PTPRQ: variants seen among roughly 807,000 people sequenced by gnomAD.
PTPRQ encodes the protein protein tyrosine phosphatase receptor type Q.
PTPRQ carries 199 observed loss-of-function variants against 246.0 expected under a neutral mutation model. That is an observed-to-expected ratio of 0.81 (90% CI 0.72 to 0.91). PTPRQ has a LOEUF of 0.91. PTPRQ is among the 40% of genes least tolerant of loss of function. The pLI is 0.00. For synonymous variants in PTPRQ, 869 were observed against 853.2 expected, an observed-to-expected ratio of 1.02 and a Z score of -0.32; for missense variants, 2,624 against 2,528.4, an observed-to-expected ratio of 1.04 and a Z score of -0.81.
rs145811445 is a variant in PTPRQ at position 80,594,207 on chromosome 12, A to G, written c.4609+5755A>G. Among the ~76,000 whole-genome samples, 265 of 152,302 alleles carry G rather than the reference A, an allele frequency of 1.7e-3. 3 individuals are homozygous for G. Among genetic ancestry groups the G allele is most frequent in the African/African-American group, 6.2e-3 (259 of 41,558 alleles). ...CTTAGTTTTTTCTAAACTGTGTAATACACTTATGTGATAAGTGTTATAGTA... is the reference window on the plus strand; with the variant it reads ...CTTAGTTTTTTCTAAACTGTGTAATGCACTTATGTGATAAGTGTTATAGTA... On this transcript the variant is annotated intron_variant, in intron 26 of 44. Transcript: ENST00000644991.
chr12:80,542,849 C>A lies in PTPRQ; in HGVS notation c.3841C>A (p.His1281Asn), dbSNP rs1471907119. The A allele has an allele frequency of 6.5e-7, 1 of 1,536,166 alleles. No individual in the cohort carries two copies. Among genetic ancestry groups the A allele is most frequent in the Middle Eastern group, 1.7e-4 (1 of 5,944 alleles). ...TGTTAAAGTATATAGTTTTAAAATT[C>A]ATGAACATGAAACTGACACTATATA... is the stretch of plus-strand genomic sequence containing the variant. Reference protein sequence around the residue: ...GIVKVYSFKIHEHETDTIYYK... With the variant: ...GIVKVYSFKINEHETDTIYYK... Residue 1281 changes from histidine (H) to asparagine (N), a missense_variant, in exon 23 of 45, where the codon CAT (histidine) becomes AAT (asparagine). His to Asn is a moderately conservative substitution (Grantham distance 68, BLOSUM62 1). Transcript: ENST00000644991.
At chr12:80,497,260 T>C (rs1894657884) in intron 14 of PTPRQ, among the ~76,000 whole-genome samples, 1 of 150,850 alleles carries the variant, frequency 6.6e-6, no homozygotes, top group Non-Finnish European at 1.5e-5. Flanking sequence ...AACTAGATGG[T>C]CCTATCTGGG....
intron 25 of PTPRQ, among the ~76,000 whole-genome samples, chr12:80,581,022 A>G (rs769107314): frequency 2.0e-4 from 31 of 152,196 alleles, no homozygotes; most frequent in Admixed American, 4.6e-4. Flanking sequence ...AAAATTTGCT[A>G]GTAACAAACA....
rs562555844 is a variant in PTPRQ at position 80,484,408 on chromosome 12, TTTTC to T, written c.1187-6_1187-3del. 4.4e-5 allele frequency: 65 copies of T among 1,486,518 alleles called. No homozygotes were observed. Among genetic ancestry groups the T allele is most frequent in the East Asian group, 4.3e-4 (17 of 39,872 alleles). The allele number at this position is 1,486,518 out of a possible 1,614,324, so 92.1% of individuals were successfully genotyped here. On this transcript the variant is annotated intron_variant, in intron 8 of 44. Coordinates refer to ENST00000644991, the MANE Select transcript of PTPRQ (RefSeq NM_001145026.2). ...AAATATTTTTAATTTCCCCCTTTTC[TTTTC>T]TTTCTTTCTTTCTTTCTTAGTTCCA...
intron 27 of PTPRQ, among the ~76,000 whole-genome samples, chr12:80,609,206 C>A (rs1279382443): frequency 6.7e-6 from 1 of 150,012 alleles, no homozygotes; most frequent in Non-Finnish European, 1.5e-5. Context: ...ATTTACATTA[C>A]CTCAGCAAAC....
intron 25 of PTPRQ, chr12:80,583,821 G>C (rs914027955): frequency 6.6e-6 from 1 of 152,082 alleles, no homozygotes; most frequent in Non-Finnish European, 1.5e-5. Flanking sequence ...TGTAACTCAG[G>C]GTCCTCTTTC....
At chr12:80,504,461 AT>A (rs1226516986) in intron 14 of PTPRQ, among the ~76,000 whole-genome samples, 1 of 151,752 alleles carries the variant, frequency 6.6e-6, no homozygotes, top group African/African-American at 2.4e-5. Context: ...TTTCTATTTT[AT>A]TTCAATATCT....
chr12:80,514,607 GTA>G (rs912748075), intron 17 of PTPRQ, among the ~76,000 whole-genome samples: 9 of 69,118 alleles, frequency 1.3e-4, no homozygotes, highest in African/African-American at 2.7e-4. Context: ...TAATATATTT[GTA>G]TATATATTAT....
At chr12:80,576,345 T>C (rs12301285) in intron 25 of PTPRQ, among the ~76,000 whole-genome samples, 3,105 of 152,278 alleles carry the variant, frequency 0.02, 102 homozygotes, top group African/African-American at 0.07. Flanking sequence ...TTTCACCATG[T>C]TGGCTAGGCT....
intron 11 of PTPRQ, 41 bp from the exon 12 acceptor site, chr12:80,495,151 G>T: frequency 6.5e-7 from 1 of 1,547,850 alleles, no homozygotes; most frequent in East Asian, 2.5e-5. Flanking sequence ...TGTACACTGT[G>T]ATACTTTTTT....
At chr12:80,447,525 A>G (rs963392112) in intron 3 of PTPRQ, among the ~76,000 whole-genome samples, 1 of 151,952 alleles carries the variant, frequency 6.6e-6, no homozygotes, top group African/African-American at 2.4e-5. Flanking sequence ...GTATTTTTAT[A>G]GTTTCAGGTT....
At chr12:80,570,882 A>G (rs1021884404) in intron 25 of PTPRQ, among the ~76,000 whole-genome samples, 1 of 152,114 alleles carries the variant, frequency 6.6e-6, no homozygotes, top group Non-Finnish European at 1.5e-5. Context: ...TTTGTCAAAG[A>G]TCAGATGGTT....
Position 80,460,707 on chromosome 12 carries a change from A to G in PTPRQ, c.715A>G (p.Arg239Gly), listed in dbSNP as rs281865414. Reference sequence around the variant, plus strand: ...AGCCAGCCCTTCTCCAACCCTTGGTAGAGTTACACCTCCATCGCGTACCAC... The same window carrying G: ...AGCCAGCCCTTCTCCAACCCTTGGTGGAGTTACACCTCCATCGCGTACCAC... ...STASPSPTLG[R>G]VTPPSRTTHS... is the part of the protein sequence containing the mutation. Residue 239 changes from arginine (R) to glycine (G), a missense_variant, in exon 6 of 45, where the codon AGA (arginine) becomes GGA (glycine). Coordinates refer to ENST00000644991, the MANE Select transcript of PTPRQ (RefSeq NM_001145026.2). 31 of 399,338 alleles carry G rather than the reference A, an allele frequency of 7.8e-5. No individual in the cohort carries two copies. The highest frequency in any genetic ancestry group is 6.2e-4 in the Admixed American group (14 of 22,706). 24.7% of individuals were successfully genotyped at this position (399,338 alleles called of 1,614,324 possible).
chr12:80,504,076 G>A (rs12367802), intron 14 of PTPRQ, among the ~76,000 whole-genome samples: 26,699 of 151,284 alleles, frequency 0.18, 2,530 homozygotes, highest in Middle Eastern at 0.24. Flanking sequence ...GTTTGATGTC[G>A]TTGAATAATT....
At chr12:80,647,730 A>G (rs535588388) in intron 35 of PTPRQ, among the ~76,000 whole-genome samples, 1 of 152,202 alleles carries the variant, frequency 6.6e-6, no homozygotes, top group Non-Finnish European at 1.5e-5. Flanking sequence ...CTTTCTTTAA[A>G]TCACTCTAGG....
At chr12:80,490,431 A>G (rs1894409186) in intron 9 of PTPRQ, among the ~76,000 whole-genome samples, 1 of 152,012 alleles carries the variant, frequency 6.6e-6, no homozygotes, top group Non-Finnish European at 1.5e-5. Context: ...TGGATTAGGA[A>G]TTTATCTCTG....
intron 19 of PTPRQ, 74 bp downstream of exon 19, chr12:80,535,111 A>G: frequency 7.3e-7 from 1 of 1,370,880 alleles, no homozygotes; most frequent in Non-Finnish European, 9.7e-7. Flanking sequence ...TTGTCACAGT[A>G]AAAGAAATTG....
chr12:80,460,748 G>A lies in PTPRQ; in HGVS notation c.756G>A (p.Thr252=), dbSNP rs534989227. ...CGCGTACCACACATTCATCAAGCAC[G>A]TTGACACAGAATGAGATCAGCTCTG... is the stretch of plus-strand genomic sequence containing the variant. ...PPSRTTHSSS[T]LTQNEISSVW... Residue 252 remains threonine, a synonymous_variant, in exon 6 of 45, where the codon ACG becomes ACA. Transcript: ENST00000644991. 6 of 400,262 alleles carry A rather than the reference G, an allele frequency of 1.5e-5. No homozygotes were observed. Among genetic ancestry groups the A allele is most frequent in the African/African-American group, 6.2e-5 (3 of 48,646 alleles). 24.8% of individuals were successfully genotyped at this position (400,262 alleles called of 1,614,324 possible).
At chr12:80,484,779 A>G (rs886636337) in intron 9 of PTPRQ, among the ~76,000 whole-genome samples, 174 bp downstream of exon 9, 1 of 152,124 alleles carries the variant, frequency 6.6e-6, no homozygotes, top group Non-Finnish European at 1.5e-5. Flanking sequence ...ATTTTAGGTT[A>G]TATATTATTA....
Sources: allele counts gnomAD v4.1 joint callset (sites outside exome capture counted in the v4.1 genomes callset), GRCh38; gene constraint gnomAD v4.1.1; transcripts MANE v1.5; gene names NCBI Gene and HGNC (gene_info 2026-07-23, HGNC 2026-07-21).